Variants in NYAP2 observed in about 807,000 individuals in gnomAD.
NYAP2 encodes neuronal tyrosine-phosphorylated phosphoinositide-3-kinase adaptor 2.
Under a neutral mutation model 50.4 loss-of-function variants are expected in NYAP2, and 23 were observed. The ratio of observed to expected loss-of-function variants is 0.46; its 90% CI spans 0.33 to 0.65. The LOEUF (loss-of-function observed/expected upper bound fraction) is 0.65, where lower values mean the gene tolerates loss of function less well. Among genes scored for constraint, NYAP2 ranks in the 30% least tolerant of loss-of-function variants. The pLI is 0.02. For missense variants in NYAP2, 885 were observed against 861.0 expected (o/e 1.03, Z -0.35); for synonymous variants, 394 against 365.2 (o/e 1.08, Z -0.90).
At chr2:225,597,731 T>C (rs1692630390) in intron 5 of NYAP2, among the ~76,000 whole-genome samples, 1 of 151,012 alleles carries the variant, frequency 6.6e-6, no homozygotes, top group African/African-American at 2.4e-5. Context: ...AGCCAAACTT[T>C]GGGAGTCTTA....
chr2:225,695,313 A>C, the NYAP2 span, among the ~76,000 whole-genome samples: 1 of 151,888 alleles, frequency 6.6e-6, no homozygotes, highest in East Asian at 1.9e-4. Flanking sequence ...ATTAAGTAAC[A>C]CATGACTTAA....
chr2:225,548,415 C>T (rs1001810704), intron 4 of NYAP2, among the ~76,000 whole-genome samples: 1 of 150,886 alleles, frequency 6.6e-6, no homozygotes, highest in Non-Finnish European at 1.5e-5. Context: ...TATTAATACT[C>T]AAATTGTAAC....
intron 4 of NYAP2, among the ~76,000 whole-genome samples, chr2:225,529,044 C>G (rs1056402782): frequency 5.9e-5 from 9 of 152,194 alleles, no homozygotes; most frequent in African/African-American, 2.2e-4. Flanking sequence ...AGATTGATCT[C>G]TTCTTTGCAT....
At chr2:225,597,467 C>A (rs1221373218) in intron 5 of NYAP2, among the ~76,000 whole-genome samples, 6 of 117,218 alleles carry the variant, frequency 5.1e-5, no homozygotes, top group Non-Finnish European at 1.1e-4. Flanking sequence ...ACTGTGAATG[C>A]CATTATTTCA....
chr2:225,416,303 A>T (rs1469275315), intron 3 of NYAP2, among the ~76,000 whole-genome samples: 2 of 152,300 alleles, frequency 1.3e-5, no homozygotes, highest in Admixed American at 1.3e-4. Context: ...CAAACCATAA[A>T]ATTAGACCAG....
At chr2:225,409,772 A>AT (rs897236226) in intron 3 of NYAP2, among the ~76,000 whole-genome samples, 1 of 152,040 alleles carries the variant, frequency 6.6e-6, no homozygotes, top group Non-Finnish European at 1.5e-5. Flanking sequence ...ATATCTTTTG[A>AT]TTTTTTAAAA....
At chr2:225,702,198 T>C in the NYAP2 span, 1 of 151,666 alleles carries the variant, frequency 6.6e-6, no homozygotes, top group African/African-American at 2.4e-5. Context: ...GTCCCAAACT[T>C]AAGTGGAAAT....
the NYAP2 span, among the ~76,000 whole-genome samples, chr2:225,684,404 CTCT>C: frequency 6.8e-6 from 1 of 147,724 alleles, no homozygotes; most frequent in African/African-American, 2.5e-5. Context: ...CTTTCTCTCT[CTCT>C]TTTTTTTTTT....
the NYAP2 span, among the ~76,000 whole-genome samples, chr2:225,680,054 T>A: frequency 6.6e-6 from 1 of 152,140 alleles, no homozygotes; most frequent in East Asian, 1.9e-4. Context: ...GGGTTTAACA[T>A]ACTATGACTG....
intron 3 of NYAP2, among the ~76,000 whole-genome samples, chr2:225,416,812 G>C (rs549387141): frequency 1.3e-5 from 2 of 152,272 alleles, no homozygotes; most frequent in East Asian, 1.9e-4. Context: ...ATGTTGGCAA[G>C]AGGAGGGGCC....
chr2:225,623,263 G>A (rs1399990913), intron 5 of NYAP2, among the ~76,000 whole-genome samples: 1 of 152,114 alleles, frequency 6.6e-6, no homozygotes, highest in Non-Finnish European at 1.5e-5. Flanking sequence ...GCTTTATGGG[G>A]GAAAAAATGT....
At chr2:225,620,916 C>G (rs1490950088) in intron 5 of NYAP2, among the ~76,000 whole-genome samples, 1 of 151,982 alleles carries the variant, frequency 6.6e-6, no homozygotes, top group East Asian at 1.9e-4. Flanking sequence ...GAGATCGAGA[C>G]CATTCTGGCT....
At chr2:225,516,097 C>T (rs1690928867) in intron 4 of NYAP2, among the ~76,000 whole-genome samples, 1 of 152,082 alleles carries the variant, frequency 6.6e-6, no homozygotes, top group South Asian at 2.1e-4. Flanking sequence ...TGGAGAAAAT[C>T]GTGATTACTG....
At chr2:225,438,236 A>T (rs890817333) in intron 3 of NYAP2, among the ~76,000 whole-genome samples, 1 of 152,200 alleles carries the variant, frequency 6.6e-6, no homozygotes, top group African/African-American at 2.4e-5. Context: ...TAACTTTATG[A>T]GTATAGATGA....
chr2:225,564,408 A>G (rs1691926942), intron 4 of NYAP2, among the ~76,000 whole-genome samples: 1 of 151,816 alleles, frequency 6.6e-6, no homozygotes, highest in Non-Finnish European at 1.5e-5. Context: ...CAGAACCAAA[A>G]AATACCAGTG....
chr2:225,487,512 G>A (rs999172520), intron 3 of NYAP2, among the ~76,000 whole-genome samples: 2 of 151,626 alleles, frequency 1.3e-5, no homozygotes, highest in South Asian at 2.1e-4. Context: ...GGCGCCCACC[G>A]CCACACCCAG....
the NYAP2 span, among the ~76,000 whole-genome samples, chr2:225,660,441 A>ATTT: frequency 0.25 from 32,817 of 133,782 alleles, 4,804 homozygotes; most frequent in Admixed American, 0.37. Flanking sequence ...CACAGGATAC[A>ATTT]TTTTTTTTTT....
intron 5 of NYAP2, among the ~76,000 whole-genome samples, chr2:225,619,961 C>A (rs941829189): frequency 6.6e-6 from 1 of 152,184 alleles, no homozygotes; most frequent in Non-Finnish European, 1.5e-5. Context: ...AGTCAACATT[C>A]GCTCATTCAT....
At chr2:225,552,383 C>T (rs1446963906) in intron 4 of NYAP2, among the ~76,000 whole-genome samples, 1 of 152,278 alleles carries the variant, frequency 6.6e-6, no homozygotes, top group East Asian at 1.9e-4. Flanking sequence ...CATGAAGAGA[C>T]TACCATCCTG....
Sources: gnomAD v4.1 joint callset for allele counts (sites outside exome capture counted in the v4.1 genomes callset) on GRCh38, gnomAD v4.1.1 for gene constraint, MANE v1.5 for transcripts, NCBI Gene and HGNC (gene_info 2026-07-23, HGNC 2026-07-21) for gene names.